The following URB1 variants were observed in gnomAD, a reference collection of about 807,000 sequenced individuals.
URB1 encodes URB1 ribosome biogenesis factor, also known as nucleolar pre-ribosomal-associated protein 1.
Under a neutral mutation model 242.3 loss-of-function variants are expected in URB1, and 197 were observed. The observed-to-expected ratio is 0.81, with a 90% CI of 0.72 to 0.91. The LOEUF is 0.91. Ranked by LOEUF, URB1 falls within the 40% of genes least tolerant of loss-of-function variation. The pLI is 0.00. For synonymous variants in URB1, 1,153 were observed against 1,201.8 expected (o/e 0.96, Z 0.84); for missense variants, 2,721 against 2,860.5 (o/e 0.95, Z 1.11).
At chr21:32,361,777 T>C (rs1368601480) in intron 12 of URB1, 115 bp downstream of exon 12, 1 of 1,390,942 alleles carries the variant, frequency 7.2e-7, no homozygotes, top group Non-Finnish European at 9.5e-7. Context: ...CAGCCAGAGG[T>C]GCCTTGAAAC....
Position 32,338,864 on chromosome 21 carries a change from G to A in URB1, c.4353C>T (p.Leu1451=). 4 of 1,550,258 alleles carry A rather than the reference G, an allele frequency of 2.6e-6. No individual in the cohort carries two copies. The highest frequency in any genetic ancestry group is 1.4e-5 in the African/African-American group (1 of 73,120). The part of the protein sequence containing the change: ...RYQDHTFLKM[L]LTAVQLLYSP... The stretch of plus-strand genomic sequence containing the variant: ...TGTACAGGAGCTGTACGGCGGTGAG[G>A]AGCATCTTTAAAAATGTGTGGTCCT... Residue 1451 remains leucine (L), a synonymous_variant, in exon 26 of 39, where the codon CTC becomes CTT. Coordinates refer to ENST00000382751, the MANE Select transcript of URB1 (RefSeq NM_014825.3).
At chr21:32,379,170 C>G (rs1381359715) in intron 4 of URB1, among the ~76,000 whole-genome samples, 1 of 152,248 alleles carries the variant, frequency 6.6e-6, no homozygotes, top group Non-Finnish European at 1.5e-5. Flanking sequence ...GCCCCAACAC[C>G]GTGACAGCAG....
chr21:32,322,618 G>T (rs1445140308), intron 32 of URB1, 34 bp from the exon 33 acceptor site: 2 of 1,497,728 alleles, frequency 1.3e-6, no homozygotes, highest in African/African-American at 1.4e-5. Flanking sequence ...GTCATGGCAG[G>T]CCCCAGCAGG....
In URB1 at chr21:32,315,042, C is replaced by T. The variant is rs1416383288; in HGVS notation, c.6692G>A (p.Arg2231Gln). The change falls in exon 39 of 39, where the codon CGG (arginine) becomes CAG (glutamine). Residue 2231 changes from arginine (R) to glutamine (Q), a missense_variant. Physicochemically the swap from Arg to Gln is conservative, Grantham distance 43 (BLOSUM62 1). Transcript: ENST00000382751. ...GACGTGGGTTAAGAGGGTGTCCGGC[C>T]GCTGAGCCCCCAGCCAGATGTCCTT... Reference protein sequence around the residue: ...YIKDIWLGAQRPDTLLTHVRM... With the variant: ...YIKDIWLGAQQPDTLLTHVRM... 9 of 1,550,328 alleles carry T rather than the reference C, an allele frequency of 5.8e-6. No individual in the cohort carries two copies. Among genetic ancestry groups the T allele is most frequent in the Admixed American group, 3.9e-5 (2 of 50,874 alleles).
At chr21:32,352,469 T>C (rs2033168496) in intron 19 of URB1, among the ~76,000 whole-genome samples, 1 of 152,198 alleles carries the variant, frequency 6.6e-6, no homozygotes, top group African/African-American at 2.4e-5. Context: ...CCTATTATCA[T>C]TATCAGGGAG....
At position 32,311,660 on chromosome 21, in the gene URB1, C is replaced by T. The variant is rs759938295; in HGVS notation, c.*3258G>A. The T allele has an allele frequency of 2.0e-5, 33 of 1,612,398 alleles. No homozygotes were observed. The Admixed American group carries it at 5.2e-4, about 25-fold the overall frequency. ...TGTTCTGCAGCAACTATGATGCCTG[C>T]CTCCCACTCTGCTCTGTTCACAGGA... is the stretch of plus-strand genomic sequence containing the variant. On this transcript the variant is annotated 3_prime_UTR_variant, in exon 39 of 39. Coordinates refer to ENST00000382751, the MANE Select transcript of URB1 (RefSeq NM_014825.3).
chr21:32,385,170 C>T (rs891419627), intron 2 of URB1, among the ~76,000 whole-genome samples: 6 of 152,158 alleles, frequency 3.9e-5, no homozygotes, highest in Non-Finnish European at 7.4e-5. Context: ...GCATCAATAT[C>T]CCAATGTTCA....
chr21:32,313,628 T>C lies in URB1; in HGVS notation c.*1290A>G, dbSNP rs2032629357. 1 of 152,144 alleles carries C rather than the reference T, an allele frequency of 6.6e-6. No homozygotes were observed. Among genetic ancestry groups the C allele is most frequent in the African/African-American group, 2.4e-5 (1 of 41,418 alleles). 9.4% of individuals were successfully genotyped at this position (152,144 alleles called of 1,614,324 possible). A position where few individuals can be genotyped will look rare whatever the true frequency, so the allele number is the denominator to read the frequency against. On this transcript the variant is annotated 3_prime_UTR_variant, in exon 39 of 39. Transcript: ENST00000382751. ...TTAAGTCACCTAAAACAGAAACAATTCTAAAGAACACTGGTGGAAAATAGA... is the reference window on the plus strand; with the variant it reads ...TTAAGTCACCTAAAACAGAAACAATCCTAAAGAACACTGGTGGAAAATAGA...
At position 32,383,446 on chromosome 21, in the gene URB1, G is replaced by T. The variant is rs2033548692; in HGVS notation, c.543C>A (p.Thr181=). The part of the protein sequence containing the change: ...HFDLNKKTLY[T]LVTKRDSKGV... ...CCTTTGAATCCCTCTTGGTCACCAG[G>T]GTGTACAGGGTCTTTTTATTCAAAT... The change falls in exon 4 of 39, where the codon ACC becomes ACA. Residue 181 remains threonine, a synonymous_variant. Transcript: ENST00000382751. 1.3e-6 allele frequency: 2 copies of T among 1,551,406 alleles called. No homozygotes were observed. Among genetic ancestry groups the T allele is most frequent in the Admixed American group, 2.0e-5 (1 of 50,970 alleles).
rs758585848 is a variant in URB1, at chr21:32,346,982, C to A, written c.3842G>T (p.Arg1281Leu). 1.3e-6 allele frequency: 2 copies of A among 1,527,028 alleles called. No homozygotes were observed. Among genetic ancestry groups the A allele is most frequent in the Non-Finnish European group, 1.8e-6 (2 of 1,129,346 alleles). 94.6% of individuals were successfully genotyped at this position (1,527,028 alleles called of 1,614,324 possible). A position where few individuals can be genotyped will look rare whatever the true frequency, so the allele number is the denominator to read the frequency against. ...TCCTGCTGGGCGTGTGAAGTGGCTCCGTGTCCTGCACTGGAGGTACACATG... is the reference window on the plus strand; with the variant it reads ...TCCTGCTGGGCGTGTGAAGTGGCTCAGTGTCCTGCACTGGAGGTACACATG... Reference protein sequence around the residue: ...LIHVYLQCRTRSHFTRPAGVS... With the variant: ...LIHVYLQCRTLSHFTRPAGVS... Residue 1281 changes from arginine to leucine, a missense_variant, in exon 22 of 39, where the codon CGG becomes CTG. Arg to Leu is a moderately radical substitution (Grantham distance 102). Transcript: ENST00000382751.
At chr21:32,355,608 C>T (rs1000753906) in intron 15 of URB1, 43 bp from the exon 16 acceptor site, 25 of 1,468,656 alleles carry the variant, frequency 1.7e-5, no homozygotes, top group Admixed American at 2.0e-5. Flanking sequence ...GAACAGAACG[C>T]GCTTTCTTTC....
rs2033308564 is a variant in URB1, at chr21:32,363,213, C to T, written c.1452G>A (p.Val484=). 1 of 1,552,092 alleles carries T rather than the reference C, an allele frequency of 6.4e-7. No homozygotes were observed. Among genetic ancestry groups the T allele is most frequent in the Non-Finnish European group, 8.7e-7 (1 of 1,147,078 alleles). Residue 484 remains valine, a synonymous_variant, in exon 11 of 39, where the codon GTG becomes GTA. Transcript: ENST00000382751. ...ATTCTTCCATCATCACAGCTGTGTA[C>T]ACGCCTGATTCCTGCCACACCTCTT... The part of the protein sequence containing the change: ...LNKEVWQESG[V]YTAVMMEEFV...
chr21:32,334,029 CT>C, intron 29 of URB1, 133 bp downstream of exon 29: 1 of 1,185,486 alleles, frequency 8.4e-7, no homozygotes, highest in East Asian at 2.6e-5. Flanking sequence ...GGTCTGGTCT[CT>C]ATACCTTTAT....
chr21:32,334,091 G>C, intron 29 of URB1, 72 bp downstream of exon 29: 1 of 1,443,584 alleles, frequency 6.9e-7, no homozygotes, highest in Non-Finnish European at 9.2e-7. Flanking sequence ...GAAAAACGAA[G>C]CTGAGGGTGC....
chr21:32,330,284 T>C (rs1429622626), intron 30 of URB1, among the ~76,000 whole-genome samples: 1 of 151,626 alleles, frequency 6.6e-6, no homozygotes, highest in Non-Finnish European at 1.5e-5. Context: ...ATATGAATTT[T>C]TCGTGTAAAT....
intron 1 of URB1, among the ~76,000 whole-genome samples, chr21:32,391,632 A>G (rs562285775): frequency 1.3e-5 from 2 of 152,310 alleles, no homozygotes; most frequent in Admixed American, 1.3e-4. Flanking sequence ...CTCTAGTAAT[A>G]CTTAATGAAT....
In URB1 at chr21:32,351,058, G is replaced by A. The variant is rs138176930; in HGVS notation, c.2614-136C>T. 508 of 907,522 alleles carry A rather than the reference G, an allele frequency of 5.6e-4. 3 individuals carry two copies. In the East Asian group the frequency reaches 0.012, roughly 21 times the overall value. 56.2% of individuals were successfully genotyped at this position (907,522 alleles called of 1,614,324 possible). On this transcript the variant is annotated intron_variant, in intron 19 of 38. Coordinates refer to ENST00000382751, the MANE Select transcript of URB1 (RefSeq NM_014825.3). Reference sequence around the variant, plus strand: ...GCTGAGATAAGACTAACGAATACGGGACCGTGTGGCATTTTACTTCAGTAG... The same window carrying A: ...GCTGAGATAAGACTAACGAATACGGAACCGTGTGGCATTTTACTTCAGTAG...
At chr21:32,323,180 T>C (rs913581286) in intron 32 of URB1, among the ~76,000 whole-genome samples, 5 of 152,204 alleles carry the variant, frequency 3.3e-5, no homozygotes, top group African/African-American at 1.2e-4. Context: ...AAAACCATCA[T>C]GGTCTCTGCC....
At position 32,314,017 on chromosome 21, in the gene URB1, TA is replaced by T. The variant is rs1285919708; in HGVS notation, c.*900del. 1 of 154,022 alleles carries T rather than the reference TA, an allele frequency of 6.5e-6. No individual in the cohort carries two copies. Among genetic ancestry groups the T allele is most frequent in the Non-Finnish European group, 1.4e-5 (1 of 69,292 alleles). 9.5% of individuals were successfully genotyped at this position (154,022 alleles called of 1,614,324 possible). ...AAATCCCCTCTTTGAAGTATAGCTT[TA>T]AAAATTACAGGCTGTCTTCTCAAAG... On this transcript the variant is annotated 3_prime_UTR_variant, in exon 39 of 39. Transcript: ENST00000382751.
Sources: gnomAD v4.1 joint callset for allele counts (sites outside exome capture counted in the v4.1 genomes callset) on GRCh38, gnomAD v4.1.1 for gene constraint, MANE v1.5 for transcripts, NCBI Gene and HGNC (gene_info 2026-07-23, HGNC 2026-07-21) for gene names.